Variants in PIEZO2 observed in about 807,000 individuals in gnomAD.
PIEZO2 encodes the protein piezo-type mechanosensitive ion channel component 2.
In PIEZO2, 172 loss-of-function variants were observed where a neutral mutation model predicts 337.3. The observed-to-expected ratio is 0.51, with a 90% CI of 0.45 to 0.58. PIEZO2 has a LOEUF of 0.58. PIEZO2 is among the 20% of genes least tolerant of loss of function. The pLI is 0.00. For synonymous variants in PIEZO2, 1,251 were observed against 1,228.5 expected (o/e 1.02, Z -0.38); for missense variants, 3,028 against 3,391.3 (o/e 0.89, Z 2.66).
chr18:10,711,774 T>C (rs2035829089), intron 39 of PIEZO2, among the ~76,000 whole-genome samples: 1 of 152,226 alleles, frequency 6.6e-6, no homozygotes, highest in African/African-American at 2.4e-5. Flanking sequence ...CGTGATCGTA[T>C]TCTTCACCGC....
chr18:11,071,837 G>A (rs75969041), intron 1 of PIEZO2, among the ~76,000 whole-genome samples: 27 of 152,270 alleles, frequency 1.8e-4, no homozygotes, highest in African/African-American at 3.6e-4. Flanking sequence ...CAAGGGCTCC[G>A]GGGACTTTGG....
rs1323191194 is a variant in PIEZO2, at chr18:10,943,603, C to T, written c.287-32375G>A. On this transcript the variant is annotated intron_variant, in intron 3 of 55. Transcript: ENST00000674853. The surrounding 1 kb of genome is among the most constrained non-coding windows in gnomAD (Gnocchi z 4.5). Reference sequence around the variant, plus strand: ...TAACTTGCTTTTGATTTTACAGGCTCATAAGCAGGAAGGAACTTGCCTTGT... The same window carrying T: ...TAACTTGCTTTTGATTTTACAGGCTTATAAGCAGGAAGGAACTTGCCTTGT... Among the ~76,000 whole-genome samples the T allele has an allele frequency of 1.3e-5, 2 of 152,148 alleles. No individual in the cohort carries two copies. Among genetic ancestry groups the T allele is most frequent in the Non-Finnish European group, 2.9e-5 (2 of 68,026 alleles).
At chr18:11,056,076 C>T (rs986699685) in intron 2 of PIEZO2, among the ~76,000 whole-genome samples, 5 of 152,186 alleles carry the variant, frequency 3.3e-5, no homozygotes, top group African/African-American at 1.2e-4. Context: ...CCAGACCCCA[C>T]AGAGAGACAG....
chr18:10,949,552 G>A (rs762663585), intron 3 of PIEZO2, among the ~76,000 whole-genome samples: 8 of 152,136 alleles, frequency 5.3e-5, no homozygotes, highest in Non-Finnish European at 1.2e-4. Context: ...TCTGGCTCCC[G>A]GGTCCCATGC....
Position 11,078,597 on chromosome 18 carries a change from T to C in PIEZO2, c.65-12375A>G, listed in dbSNP as rs928217250. On this transcript the variant is annotated intron_variant, in intron 1 of 55. Transcript: ENST00000674853. The surrounding 1 kb of genome is among the most constrained non-coding windows in gnomAD (Gnocchi z 5.3). ...TCGCTTTTGCTTTCAAATATTTCTGTTGCTAGAGAAGTAGACACACCTTTT... is the reference window on the plus strand; with the variant it reads ...TCGCTTTTGCTTTCAAATATTTCTGCTGCTAGAGAAGTAGACACACCTTTT... Among the ~76,000 whole-genome samples, 1 of 152,230 alleles carries C rather than the reference T, an allele frequency of 6.6e-6. No homozygotes were observed. The highest frequency in any genetic ancestry group is 1.5e-5 in the Non-Finnish European group (1 of 68,042).
intron 7 of PIEZO2, among the ~76,000 whole-genome samples, chr18:10,811,771 C>T (rs950314927): frequency 3.3e-5 from 5 of 152,226 alleles, no homozygotes; most frequent in African/African-American, 1.2e-4. Flanking sequence ...TGAACTTTAC[C>T]TTCTGAATGA....
intron 7 of PIEZO2, among the ~76,000 whole-genome samples, chr18:10,808,853 T>C (rs951322486): frequency 1.3e-5 from 2 of 152,222 alleles, no homozygotes; most frequent in Admixed American, 6.5e-5. Flanking sequence ...GATAGTCTCT[T>C]GGGTTAATCT....
intron 1 of PIEZO2, among the ~76,000 whole-genome samples, chr18:11,100,715 C>G (rs1201418129): frequency 1.3e-5 from 2 of 152,166 alleles, no homozygotes; most frequent in Non-Finnish European, 2.9e-5. Flanking sequence ...CCTGCCTCAG[C>G]CTCCCAAGTA....
intron 33 of PIEZO2, chr18:10,738,228 G>T (rs2037085108): frequency 6.6e-6 from 1 of 152,220 alleles, no homozygotes; most frequent in Non-Finnish European, 1.5e-5. Context: ...CGAGAGATTT[G>T]CAGGAAAGTG....
intron 2 of PIEZO2, among the ~76,000 whole-genome samples, chr18:11,024,439 A>G (rs1383905661): frequency 2.0e-5 from 3 of 149,840 alleles, no homozygotes; most frequent in Non-Finnish European, 3.0e-5. Flanking sequence ...CCAGCTACTC[A>G]GGAGGCTGAG....
At chr18:10,811,889 A>G (rs1460871472) in intron 7 of PIEZO2, among the ~76,000 whole-genome samples, 2 of 152,174 alleles carry the variant, frequency 1.3e-5, no homozygotes, top group Non-Finnish European at 2.9e-5. Flanking sequence ...GCTGGAGTGC[A>G]GTGGTGCGAT....
In PIEZO2 at chr18:10,763,083, A is replaced by G. The variant is rs2038208441; in HGVS notation, c.2962T>C (p.Tyr988His). The change falls in exon 22 of 56, where the codon TAT becomes CAT. Residue 988 changes from tyrosine to histidine, a missense_variant. Transcript: ENST00000674853. Reference sequence around the variant, plus strand: ...AAAGCCCAAGAAATCAAAAATACATAGTTGAACAGAGACACCTGAAAACGT... The same window carrying G: ...AAAGCCCAAGAAATCAAAAATACATGGTTGAACAGAGACACCTGAAAACGT... ...VSVKEVSLFN[Y>H]VFLISWAFAL... is the part of the protein sequence containing the mutation. 1 of 1,537,014 alleles carries G rather than the reference A, an allele frequency of 6.5e-7. No individual in the cohort carries two copies. Among genetic ancestry groups the G allele is most frequent in the Non-Finnish European group, 8.7e-7 (1 of 1,146,858 alleles).
At chr18:11,062,338 C>G (rs1313067751) in intron 2 of PIEZO2, among the ~76,000 whole-genome samples, 2 of 152,148 alleles carry the variant, frequency 1.3e-5, no homozygotes, top group East Asian at 3.8e-4. Context: ...CCATTCAGGA[C>G]ATAGGCATGG....
chr18:10,817,236 T>C (rs906873357), intron 7 of PIEZO2, among the ~76,000 whole-genome samples: 1 of 152,194 alleles, frequency 6.6e-6, no homozygotes, highest in Non-Finnish European at 1.5e-5. Flanking sequence ...AGTTCCCTTA[T>C]AAAAAACATA....
intron 13 of PIEZO2, 23 bp from the exon 14 acceptor site, chr18:10,791,347 A>G: frequency 1.4e-6 from 2 of 1,472,744 alleles, no homozygotes; most frequent in Non-Finnish European, 1.8e-6. Context: ...AAGCAGCAAA[A>G]CAAGAATTAA....
chr18:11,106,716 G>T (rs986284751), intron 1 of PIEZO2, among the ~76,000 whole-genome samples: 1 of 152,190 alleles, frequency 6.6e-6, no homozygotes, highest in South Asian at 2.1e-4. Context: ...ACCCAGCTTG[G>T]CAGTGGACAA....
chr18:10,719,023 A>AAATT (rs1416269074), intron 36 of PIEZO2, among the ~76,000 whole-genome samples: 20 of 149,592 alleles, frequency 1.3e-4, no homozygotes, highest in African/African-American at 4.7e-4. Context: ...ATAAATAAAT[A>AAATT]AATTTGCTAT....
Position 10,682,045 on chromosome 18 carries a change from T to C in PIEZO2, c.7686+59A>G, listed in dbSNP as rs2034289757. 1 of 1,447,168 alleles carries C rather than the reference T, an allele frequency of 6.9e-7. No individual in the cohort carries two copies. Among genetic ancestry groups the C allele is most frequent in the African/African-American group, 1.4e-5 (1 of 70,608 alleles). 89.6% of individuals were successfully genotyped at this position (1,447,168 alleles called of 1,614,324 possible). A position where few individuals can be genotyped will look rare whatever the true frequency, so the allele number is the denominator to read the frequency against. ...TGACTAAACACCCTACAGACAGCTA[T>C]CATAAAGGAATGTGGCGTGGGGCAA... On this transcript the variant is annotated intron_variant, in intron 50 of 55. Transcript: ENST00000674853. The surrounding 1 kb of genome is among the most constrained non-coding windows in gnomAD (Gnocchi z 5.6).
chr18:11,124,308 G>T (rs1001991838), intron 1 of PIEZO2, among the ~76,000 whole-genome samples: 8 of 152,166 alleles, frequency 5.3e-5, no homozygotes, highest in African/African-American at 1.9e-4. Flanking sequence ...AATGGCTACT[G>T]TATAAAGACC....
Sources: gnomAD v4.1 joint callset for allele counts (sites outside exome capture counted in the v4.1 genomes callset) on GRCh38, gnomAD v4.1.1 for gene constraint, Gnocchi (gnomAD v3.1) non-coding constraint, MANE v1.5 for transcripts, NCBI Gene and HGNC (gene_info 2026-07-23, HGNC 2026-07-21) for gene names.